The following ARB2A variants were observed in gnomAD, a reference collection of about 807,000 sequenced individuals.
ARB2A encodes ARB2 cotranscriptional regulator A, also known as cotranscriptional regulator ARB2A.
chr5:94,004,721 A>G, the ARB2A span, among the ~76,000 whole-genome samples: 2 of 152,088 alleles, frequency 1.3e-5, no homozygotes, highest in Non-Finnish European at 2.9e-5. Context: ...TGAATACTGA[A>G]TTAGCAAATA....
At chr5:93,854,151 T>C in the ARB2A span, among the ~76,000 whole-genome samples, 1 of 152,224 alleles carries the variant, frequency 6.6e-6, no homozygotes, top group Non-Finnish European at 1.5e-5. Context: ...TATTGGTCTA[T>C]TCAGAGATTC....
At chr5:93,814,305 C>T in the ARB2A span, among the ~76,000 whole-genome samples, 1 of 152,044 alleles carries the variant, frequency 6.6e-6, no homozygotes, top group Admixed American at 6.5e-5. Context: ...GAAAATAATA[C>T]ATTTGTTATT....
the ARB2A span, among the ~76,000 whole-genome samples, chr5:93,687,492 A>T: frequency 6.6e-6 from 1 of 152,222 alleles, no homozygotes; most frequent in Non-Finnish European, 1.5e-5. Flanking sequence ...GATACTGTCC[A>T]ATGGTGGCAT....
At chr5:93,621,325 G>T in the ARB2A span, among the ~76,000 whole-genome samples, 1 of 151,374 alleles carries the variant, frequency 6.6e-6, no homozygotes, top group African/African-American at 2.4e-5. Flanking sequence ...GCGCGGGCCA[G>T]CCGACTCCCA....
chr5:93,647,600 T>G, the ARB2A span, among the ~76,000 whole-genome samples: 1 of 152,184 alleles, frequency 6.6e-6, no homozygotes, highest in East Asian at 1.9e-4. Flanking sequence ...CTCAGCCCAC[T>G]GCAACCTCCA....
At chr5:93,638,118 T>C in the ARB2A span, among the ~76,000 whole-genome samples, 2 of 152,222 alleles carry the variant, frequency 1.3e-5, no homozygotes, top group South Asian at 4.1e-4. Flanking sequence ...GCTTGGAACT[T>C]TCCTAAACAT....
the ARB2A span, among the ~76,000 whole-genome samples, chr5:93,763,251 C>G: frequency 2.0e-5 from 3 of 152,076 alleles, no homozygotes; most frequent in Non-Finnish European, 4.4e-5. Flanking sequence ...CACAGACTGG[C>G]AAATTGGATA....
the ARB2A span, among the ~76,000 whole-genome samples, chr5:94,012,353 A>G: frequency 6.6e-6 from 1 of 152,316 alleles, no homozygotes. Flanking sequence ...AGTGAGCAGA[A>G]ATCGCGCCAC....
At chr5:94,082,820 G>C in the ARB2A span, among the ~76,000 whole-genome samples, 2 of 152,010 alleles carry the variant, frequency 1.3e-5, no homozygotes, top group South Asian at 4.1e-4. Flanking sequence ...GATAAACTCA[G>C]AGAAGGCTTC....
chr5:94,027,890 C>A, the ARB2A span, among the ~76,000 whole-genome samples: 2 of 151,928 alleles, frequency 1.3e-5, no homozygotes, highest in Admixed American at 1.3e-4. Flanking sequence ...TGGGACTGAG[C>A]CCTCAATCTG....
At chr5:93,693,702 T>C in the ARB2A span, among the ~76,000 whole-genome samples, 78 of 152,264 alleles carry the variant, frequency 5.1e-4, no homozygotes, top group Non-Finnish European at 9.6e-4. Flanking sequence ...CCCTAACTCA[T>C]TTTATGAGGC....
the ARB2A span, among the ~76,000 whole-genome samples, chr5:93,869,500 C>A: frequency 2.6e-5 from 4 of 152,128 alleles, no homozygotes; most frequent in Non-Finnish European, 5.9e-5. Context: ...ATTATAATTA[C>A]AAGTGATGTT....
chr5:93,896,681 G>A, the ARB2A span, among the ~76,000 whole-genome samples: 1 of 151,868 alleles, frequency 6.6e-6, no homozygotes, highest in African/African-American at 2.4e-5. Context: ...AAGGAAAATG[G>A]AATTAACTAG....
the ARB2A span, among the ~76,000 whole-genome samples, chr5:93,810,913 G>C: frequency 6.6e-6 from 1 of 152,058 alleles, no homozygotes; most frequent in East Asian, 1.9e-4. Flanking sequence ...ATATGCAACT[G>C]AGGTTAGTTT....
chr5:93,989,210 C>T, the ARB2A span, among the ~76,000 whole-genome samples: 1 of 152,006 alleles, frequency 6.6e-6, no homozygotes, highest in Non-Finnish European at 1.5e-5. Context: ...AGATATAAGA[C>T]TATAAAATAA....
the ARB2A span, among the ~76,000 whole-genome samples, chr5:93,847,462 CA>C: frequency 6.6e-5 from 10 of 151,830 alleles, no homozygotes; most frequent in Non-Finnish European, 1.2e-4. Context: ...TCATGTATAG[CA>C]AACATATCCT....
At chr5:93,716,978 A>AT in the ARB2A span, among the ~76,000 whole-genome samples, 65 of 151,344 alleles carry the variant, frequency 4.3e-4, no homozygotes, top group African/African-American at 1.5e-3. Context: ...TCAGAGGCAT[A>AT]TTTTTTTTTC....
the ARB2A span, among the ~76,000 whole-genome samples, chr5:93,766,767 T>G: frequency 6.6e-6 from 1 of 152,014 alleles, no homozygotes; most frequent in East Asian, 1.9e-4. Flanking sequence ...CTATTCACAA[T>G]AGCAAAGACT....
At chr5:93,935,087 G>C in the ARB2A span, among the ~76,000 whole-genome samples, 1 of 152,124 alleles carries the variant, frequency 6.6e-6, no homozygotes, top group Admixed American at 6.5e-5. Flanking sequence ...TTGGGGGAAA[G>C]GGTGGGAGGC....
Sources: allele counts gnomAD v4.1 joint callset (sites outside exome capture counted in the v4.1 genomes callset), GRCh38; gene constraint gnomAD v4.1.1; transcripts MANE v1.5; gene names NCBI Gene and HGNC (gene_info 2026-07-23, HGNC 2026-07-21).